Variants in ADARB2 observed in about 807,000 individuals in gnomAD.
ADARB2 encodes the protein adenosine deaminase RNA specific B2 (inactive), also known as inactive double-stranded RNA-specific editase B2.
A neutral mutation model predicts 62.2 loss-of-function variants in ADARB2; 25 were observed. That is an observed-to-expected ratio of 0.40 (90% confidence interval 0.29 to 0.56). The LOEUF (loss-of-function observed/expected upper bound fraction) is 0.56, where lower values mean the gene tolerates loss of function less well. Ranked by LOEUF, ADARB2 falls within the 20% of genes least tolerant of loss-of-function variation. The pLI is 0.43. For missense variants in ADARB2, 1,071 were observed against 1,077.4 expected (o/e 0.99, Z 0.08); for synonymous variants, 572 against 500.8 (o/e 1.14, Z -1.90).
At chr10:1,312,025 G>A (rs965036652) in intron 3 of ADARB2, among the ~76,000 whole-genome samples, 4 of 152,184 alleles carry the variant, frequency 2.6e-5, no homozygotes, top group Non-Finnish European at 5.9e-5. Flanking sequence ...TGCTTCACGA[G>A]CACTACCGGA....
At chr10:1,734,021 G>A (rs923966044) in intron 1 of ADARB2, among the ~76,000 whole-genome samples, 10 of 149,768 alleles carry the variant, frequency 6.7e-5, no homozygotes, top group African/African-American at 2.0e-4. Flanking sequence ...TTTTTTTTCA[G>A]CAGCTTGTTT....
At chr10:1,707,909 A>G (rs556633178) in intron 1 of ADARB2, among the ~76,000 whole-genome samples, 5 of 152,188 alleles carry the variant, frequency 3.3e-5, no homozygotes, top group Non-Finnish European at 5.9e-5. Context: ...GAGAGGTTGC[A>G]GGGGGCTCTA....
chr10:1,576,171 AGGGTCACAGGACAGGTC>A, intron 1 of ADARB2, among the ~76,000 whole-genome samples: 1 of 76,312 alleles, frequency 1.3e-5, no homozygotes, highest in Non-Finnish European at 2.7e-5. Flanking sequence ...AGGGGGGTTC[AGGGTCACAGGACAGGTC>A]TCAGGGTCAC....
At chr10:1,516,660 C>T (rs1052076026) in intron 1 of ADARB2, among the ~76,000 whole-genome samples, 1 of 152,334 alleles carries the variant, frequency 6.6e-6, no homozygotes, top group East Asian at 1.9e-4. Flanking sequence ...AGAAAGAAAA[C>T]ATTTTCCTCG....
chr10:1,292,632 C>T (rs1405916573), intron 3 of ADARB2: 1 of 152,190 alleles, frequency 6.6e-6, no homozygotes, highest in Non-Finnish European at 1.5e-5. Context: ...CTTGTCACTG[C>T]TCCACGGGAC....
intron 1 of ADARB2, among the ~76,000 whole-genome samples, chr10:1,380,127 A>G (rs2131860534): frequency 6.6e-6 from 1 of 152,302 alleles, no homozygotes; most frequent in East Asian, 1.9e-4. Flanking sequence ...GCCAACAGAG[A>G]CACAGCACAG....
At chr10:1,275,956 G>A (rs530329163) in intron 3 of ADARB2, among the ~76,000 whole-genome samples, 169 of 151,998 alleles carry the variant, frequency 1.1e-3, no homozygotes, top group Admixed American at 2.2e-3. Flanking sequence ...GAATAGTGCC[G>A]CAATAAACAT....
chr10:1,430,150 C>T (rs191261244), intron 1 of ADARB2, among the ~76,000 whole-genome samples: 11 of 152,210 alleles, frequency 7.2e-5, no homozygotes, highest in South Asian at 2.1e-4. Flanking sequence ...ATGCTTTACT[C>T]GAAGTGGCAA....
chr10:1,511,318 A>T (rs926360289), intron 1 of ADARB2, among the ~76,000 whole-genome samples: 2 of 152,202 alleles, frequency 1.3e-5, no homozygotes, highest in African/African-American at 4.8e-5. Flanking sequence ...TTGAACACCT[A>T]CCCCATGGTG....
intron 1 of ADARB2, among the ~76,000 whole-genome samples, chr10:1,476,831 G>A (rs1462753486): frequency 3.3e-5 from 5 of 152,146 alleles, no homozygotes; most frequent in Non-Finnish European, 7.4e-5. Context: ...CAGGTGCCAC[G>A]GCCCTCTGGG....
At chr10:1,325,709 A>G (rs1831838700) in intron 3 of ADARB2, among the ~76,000 whole-genome samples, 1 of 152,138 alleles carries the variant, frequency 6.6e-6, no homozygotes, top group East Asian at 1.9e-4. Context: ...GTCCTCCCAC[A>G]TCTTTCTTGT....
Position 1,439,588 on chromosome 10 carries a change from CT to C in ADARB2, c.101-60429del, listed in dbSNP as rs60468835. Among the ~76,000 whole-genome samples the C allele has an allele frequency of 1.0e-3, 98 of 98,106 alleles. 2 individuals are homozygous for C. The highest frequency in any genetic ancestry group is 1.7e-3 in the Admixed American group (15 of 8,960). 64.4% of individuals were successfully genotyped at this position (98,106 alleles called of 152,430 possible). On this transcript the variant is annotated intron_variant, in intron 1 of 9. Coordinates refer to ENST00000381312, the MANE Select transcript of ADARB2 (RefSeq NM_018702.4). ...CCTTCACTATGGGGCTCCTGAGTCT[CT>C]CCCAGGATGGAGGCAGGCCCTTCAT...
chr10:1,582,620 A>T (rs999997239), intron 1 of ADARB2, among the ~76,000 whole-genome samples: 1 of 152,244 alleles, frequency 6.6e-6, no homozygotes, highest in South Asian at 2.1e-4. Flanking sequence ...ACCAAGCAGC[A>T]CCCTCAGCCA....
chr10:1,492,375 C>T (rs1235223594), intron 1 of ADARB2, among the ~76,000 whole-genome samples: 1 of 152,122 alleles, frequency 6.6e-6, no homozygotes, highest in African/African-American at 2.4e-5. Context: ...AGAGTGGGTC[C>T]ATGGTCCAGT....
At chr10:1,686,277 G>A (rs1588352421) in intron 1 of ADARB2, among the ~76,000 whole-genome samples, 1 of 152,186 alleles carries the variant, frequency 6.6e-6, no homozygotes, top group Admixed American at 6.5e-5. Context: ...TCTGTGGCTT[G>A]GGCCGGCGGT....
At chr10:1,596,936 G>C (rs922719521) in intron 1 of ADARB2, among the ~76,000 whole-genome samples, 5 of 152,152 alleles carry the variant, frequency 3.3e-5, no homozygotes, top group Non-Finnish European at 7.4e-5. Flanking sequence ...AAGGGAATGG[G>C]GGGGCTTCAT....
At position 1,607,261 on chromosome 10, in the gene ADARB2, T is replaced by A. The variant is rs115945648; in HGVS notation, c.100+129790A>T. ...CCGAGGGCTGAGCTGCCCCTCTTCCTCCATTCATGAACGATTCACCACGTC... is the reference window on the plus strand; with the variant it reads ...CCGAGGGCTGAGCTGCCCCTCTTCCACCATTCATGAACGATTCACCACGTC... On this transcript the variant is annotated intron_variant, in intron 1 of 9. Coordinates refer to ENST00000381312, the MANE Select transcript of ADARB2 (RefSeq NM_018702.4). Among the ~76,000 whole-genome samples, 944 of 152,274 alleles carry A rather than the reference T, an allele frequency of 6.2e-3. 13 individuals carry two copies. The highest frequency in any genetic ancestry group is 0.022 in the African/African-American group (896 of 41,554).
chr10:1,506,853 G>A (rs1388015050), intron 1 of ADARB2, among the ~76,000 whole-genome samples: 1 of 152,218 alleles, frequency 6.6e-6, no homozygotes, highest in Non-Finnish European at 1.5e-5. Flanking sequence ...TGGGATCAGT[G>A]CCCTTCTAAG....
chr10:1,675,538 G>C, intron 1 of ADARB2: 1 of 966,248 alleles, frequency 1.0e-6, no homozygotes. Flanking sequence ...AGGAGGTTTG[G>C]GTTTGGGGGT....
Sources: allele counts gnomAD v4.1 joint callset (sites outside exome capture counted in the v4.1 genomes callset), GRCh38; gene constraint gnomAD v4.1.1; transcripts MANE v1.5; gene names NCBI Gene and HGNC (gene_info 2026-07-23, HGNC 2026-07-21).